The following EYA4 variants were observed in gnomAD, a reference collection of about 807,000 sequenced individuals.
EYA4 encodes protein phosphatase EYA4.
In EYA4, 31 loss-of-function variants were observed where a neutral mutation model predicts 87.9. The ratio of observed to expected loss-of-function variants is 0.35; its 90% confidence interval spans 0.27 to 0.48. The LOEUF (loss-of-function observed/expected upper bound fraction) is 0.48. EYA4 is among the 20% of genes least tolerant of loss of function. The pLI, the probability that EYA4 is intolerant of heterozygous loss-of-function variation, is 0.99. For missense variants in EYA4, 678 were observed against 761.4 expected (o/e 0.89, Z 1.29); for synonymous variants, 263 against 270.6 (o/e 0.97, Z 0.28).
At chr6:133,500,383 C>T (rs778738589) in intron 13 of EYA4, among the ~76,000 whole-genome samples, 28 of 152,110 alleles carry the variant, frequency 1.8e-4, no homozygotes, top group Middle Eastern at 3.4e-3. Context: ...TTTTCCATAA[C>T]GCCTCTCTAT....
intron 2 of EYA4, among the ~76,000 whole-genome samples, chr6:133,277,770 T>C (rs1356545519): frequency 6.6e-6 from 1 of 152,218 alleles, no homozygotes; most frequent in Non-Finnish European, 1.5e-5. Context: ...TCTCAGTGAA[T>C]GGCATCATCA....
chr6:133,373,485 T>C (rs1251741151), intron 2 of EYA4, among the ~76,000 whole-genome samples: 2 of 152,084 alleles, frequency 1.3e-5, no homozygotes, highest in Non-Finnish European at 2.9e-5. Context: ...AATCTAAAGT[T>C]TCTGATATGT....
At chr6:133,286,407 A>G (rs1430654352) in intron 2 of EYA4, among the ~76,000 whole-genome samples, 1 of 152,200 alleles carries the variant, frequency 6.6e-6, no homozygotes, top group Non-Finnish European at 1.5e-5. Context: ...ATATTTGTTG[A>G]AATCTCCAAA....
chr6:133,468,094 G>T (rs1795005788), intron 10 of EYA4, among the ~76,000 whole-genome samples: 1 of 151,742 alleles, frequency 6.6e-6, no homozygotes, highest in Admixed American at 6.6e-5. Context: ...ATTATCAGTG[G>T]TAGCCCAGAA....
intron 10 of EYA4, 61 bp downstream of exon 10, chr6:133,464,919 T>C (rs1794718567): frequency 8.9e-7 from 1 of 1,124,802 alleles, no homozygotes; most frequent in Admixed American, 1.8e-5. Flanking sequence ...AAGAGTACTC[T>C]CAGGTTGCCA....
intron 2 of EYA4, among the ~76,000 whole-genome samples, chr6:133,361,890 G>A (rs1784475115): frequency 6.6e-6 from 1 of 152,220 alleles, no homozygotes; most frequent in African/African-American, 2.4e-5. Flanking sequence ...TCCAGGCATG[G>A]AGATGTTTTT....
At chr6:133,290,863 TG>T (rs1778434536) in intron 2 of EYA4, among the ~76,000 whole-genome samples, 1 of 152,202 alleles carries the variant, frequency 6.6e-6, no homozygotes, top group African/African-American at 2.4e-5. Flanking sequence ...AGCATACTTT[TG>T]TGTAAGTTTC....
chr6:133,330,688 T>A (rs957485931), intron 2 of EYA4, among the ~76,000 whole-genome samples: 7 of 151,830 alleles, frequency 4.6e-5, no homozygotes, highest in African/African-American at 1.7e-4. Context: ...TGGCACAGAT[T>A]TTGTTATACA....
At chr6:133,481,173 A>C (rs1796186822) in intron 11 of EYA4, among the ~76,000 whole-genome samples, 1 of 152,114 alleles carries the variant, frequency 6.6e-6, no homozygotes, top group South Asian at 2.1e-4. Context: ...GGAGGTGAGG[A>C]CATATCTAAA....
At chr6:133,318,077 C>G (rs893813478) in intron 2 of EYA4, among the ~76,000 whole-genome samples, 1 of 152,172 alleles carries the variant, frequency 6.6e-6, no homozygotes, top group Non-Finnish European at 1.5e-5. Context: ...GTAGAAGTCA[C>G]CTGTAATTGT....
chr6:133,529,302 G>T lies in EYA4; in HGVS notation c.*497G>T. 16 of 989,032 alleles carry T rather than the reference G, an allele frequency of 1.6e-5. No individual in the cohort carries two copies. The highest frequency in any genetic ancestry group is 1.9e-5 in the Non-Finnish European group (16 of 830,782). 61.3% of individuals were successfully genotyped at this position (989,032 alleles called of 1,614,324 possible). ...CATGTAATTTGTGTAAATTATTGAT[G>T]AAAATAATTTACTGTGACTTTATTA... On this transcript the variant is annotated 3_prime_UTR_variant, in exon 20 of 20. Transcript: ENST00000355286.
At chr6:133,351,414 A>G (rs1562318720) in intron 2 of EYA4, among the ~76,000 whole-genome samples, 1 of 152,188 alleles carries the variant, frequency 6.6e-6, no homozygotes, top group Non-Finnish European at 1.5e-5. Context: ...TAGCAACTAT[A>G]TAGTGAGTCC....
chr6:133,522,123 A>G (rs1800221909), intron 17 of EYA4, among the ~76,000 whole-genome samples: 1 of 151,402 alleles, frequency 6.6e-6, no homozygotes, highest in African/African-American at 2.4e-5. Context: ...AATAATAAAA[A>G]AAAAAAGGAA....
intron 2 of EYA4, among the ~76,000 whole-genome samples, chr6:133,276,421 A>G (rs936394175): frequency 6.6e-6 from 1 of 152,206 alleles, no homozygotes; most frequent in African/African-American, 2.4e-5. Flanking sequence ...TTTGTTTTCA[A>G]TGCAGTTGAG....
intron 2 of EYA4, among the ~76,000 whole-genome samples, chr6:133,303,018 T>C (rs767920424): frequency 6.6e-5 from 10 of 152,278 alleles, no homozygotes; most frequent in Non-Finnish European, 1.0e-4. Flanking sequence ...AATATGTTAA[T>C]GAATGAATGT....
intron 17 of EYA4, among the ~76,000 whole-genome samples, chr6:133,520,704 C>T (rs368209716): frequency 7.8e-3 from 976 of 124,482 alleles, no homozygotes; most frequent in African/African-American, 0.011. Context: ...AAGAACAAAG[C>T]TGGAGGCATC....
intron 2 of EYA4, among the ~76,000 whole-genome samples, chr6:133,376,583 A>G (rs899182421): frequency 2.0e-5 from 3 of 151,972 alleles, no homozygotes; most frequent in Admixed American, 6.6e-5. Context: ...ATTTTGGAAG[A>G]TGCTAGATAT....
At position 133,529,618 on chromosome 6, in the gene EYA4, C is replaced by CT; in HGVS notation, c.*814dup. 4 of 983,990 alleles carry CT rather than the reference C, an allele frequency of 4.1e-6. No individual in the cohort carries two copies. Among genetic ancestry groups the CT allele is most frequent in the Non-Finnish European group, 4.8e-6 (4 of 829,556 alleles). 61.0% of individuals were successfully genotyped at this position (983,990 alleles called of 1,614,324 possible). On this transcript the variant is annotated 3_prime_UTR_variant, in exon 20 of 20. Transcript: ENST00000355286. ...GCTTAATTACCGCATCAGCAAGAAA[C>CT]TGAGTATTTTTTGCAATAAGAAAAC...
chr6:133,287,098 A>G (rs1018478174), intron 2 of EYA4, among the ~76,000 whole-genome samples: 1 of 152,172 alleles, frequency 6.6e-6, no homozygotes, highest in Non-Finnish European at 1.5e-5. Flanking sequence ...TGTTTTATTT[A>G]TATACTTACT....
Sources: allele counts gnomAD v4.1 joint callset (sites outside exome capture counted in the v4.1 genomes callset), GRCh38; gene constraint gnomAD v4.1.1; transcripts MANE v1.5; gene names NCBI Gene and HGNC (gene_info 2026-07-23, HGNC 2026-07-21).